PDE10A: variants seen among roughly 807,000 people sequenced by gnomAD.
The protein encoded by PDE10A is cAMP and cAMP-inhibited cGMP 3',5'-cyclic phosphodiesterase 10A.
A neutral mutation model predicts 97.7 loss-of-function variants in PDE10A; 39 were observed. The ratio of observed to expected loss-of-function variants is 0.40; its 90% confidence interval spans 0.31 to 0.52. PDE10A has a LOEUF of 0.52. PDE10A is among the 20% of genes least tolerant of loss of function. PDE10A has a pLI of 0.56. For missense variants in PDE10A, 731 were observed against 1,047.8 expected (o/e 0.70, Z 4.17); for synonymous variants, 371 against 376.8 (o/e 0.98, Z 0.18).
intron 1 of PDE10A, among the ~76,000 whole-genome samples, chr6:165,602,779 C>G (rs1389714702): frequency 6.6e-6 from 1 of 152,152 alleles, no homozygotes; most frequent in Non-Finnish European, 1.5e-5. Context: ...CACCTCATGC[C>G]TACCTACTTG....
chr6:165,784,102 C>T, intron 1 of PDE10A, among the ~76,000 whole-genome samples: 1 of 151,822 alleles, frequency 6.6e-6, no homozygotes, highest in Non-Finnish European at 1.5e-5. Flanking sequence ...CCTGTAGTCC[C>T]AGCTACTCGG....
At chr6:165,621,770 A>AG (rs199672496) in intron 1 of PDE10A, among the ~76,000 whole-genome samples, 7 of 150,312 alleles carry the variant, frequency 4.7e-5, no homozygotes, top group Non-Finnish European at 8.8e-5. Context: ...AAAGAAAAAA[A>AG]AAAGAAGAAG....
chr6:165,450,040 T>C (rs1244038896), intron 4 of PDE10A, among the ~76,000 whole-genome samples: 1 of 152,216 alleles, frequency 6.6e-6, no homozygotes, highest in African/African-American at 2.4e-5. Context: ...CAGATACTTA[T>C]TTGGGATTAG....
intron 2 of PDE10A, 70 bp downstream of exon 2, chr6:165,543,370 A>G (rs1370078883): frequency 8.9e-6 from 12 of 1,348,736 alleles, no homozygotes; most frequent in African/African-American, 1.5e-5. Context: ...TCTAGAATAT[A>G]TTAAATGCTT....
At position 165,952,655 on chromosome 6, in the gene PDE10A, C is replaced by T. The variant is rs143105075; in HGVS notation, c.-615+34874G>A. ...AGGAAACCACACCTCTTCAACTCCC[C>T]GCCTGGGCAGAGAGAAAGGGCTCTG... On this transcript the variant is annotated intron_variant, in intron 1 of 19. Transcript: ENST00000366882. Among the ~76,000 whole-genome samples the T allele has an allele frequency of 1.6e-3, 247 of 152,294 alleles. 1 individual carries two copies. Among genetic ancestry groups the T allele is most frequent in the African/African-American group, 5.0e-3 (206 of 41,552 alleles).
chr6:165,691,107 C>CCCCCCT (rs1554305962), intron 1 of PDE10A, among the ~76,000 whole-genome samples: 150 of 13,426 alleles, frequency 0.011, 6 homozygotes, highest in African/African-American at 0.027. Context: ...CTTTCTCTCT[C>CCCCCCT]CCCCCCCCCA....
At chr6:165,858,092 G>A (rs934862420) in intron 1 of PDE10A, among the ~76,000 whole-genome samples, 4 of 152,148 alleles carry the variant, frequency 2.6e-5, no homozygotes, top group Non-Finnish European at 5.9e-5. Flanking sequence ...CATGAGTACT[G>A]TTGTTTAGTA....
At chr6:165,518,587 G>A (rs758998356) in intron 2 of PDE10A, among the ~76,000 whole-genome samples, 6 of 152,076 alleles carry the variant, frequency 3.9e-5, no homozygotes, top group South Asian at 2.1e-4. Flanking sequence ...TGACAGTAAC[G>A]CACAACAGTA....
chr6:165,821,901 G>C (rs1562753565), intron 1 of PDE10A, among the ~76,000 whole-genome samples: 1 of 151,326 alleles, frequency 6.6e-6, no homozygotes, highest in Non-Finnish European at 1.5e-5. Flanking sequence ...GAGGTGCCGG[G>C]TTTTTTTTTC....
At chr6:165,839,896 TTCCCATC>T (rs1780187247) in intron 1 of PDE10A, among the ~76,000 whole-genome samples, 18 of 151,388 alleles carry the variant, frequency 1.2e-4, no homozygotes, top group South Asian at 2.1e-4. Flanking sequence ...TCCATCCCCA[TTCCCATC>T]TCCAACTCCA....
intron 1 of PDE10A, among the ~76,000 whole-genome samples, chr6:165,968,152 G>A (rs1407159509): frequency 6.6e-6 from 1 of 152,240 alleles, no homozygotes; most frequent in Non-Finnish European, 1.5e-5. Flanking sequence ...GGGAATGACA[G>A]AGATGCCTGC....
intron 9 of PDE10A, 85 bp downstream of exon 9, chr6:165,430,202 G>T: frequency 1.1e-6 from 1 of 887,754 alleles, no homozygotes; most frequent in Non-Finnish European, 1.8e-6. Context: ...AGCTGCAATA[G>T]ACAATGGTCT....
At chr6:165,462,747 G>A (rs1310235639) in intron 3 of PDE10A, among the ~76,000 whole-genome samples, 1 of 152,160 alleles carries the variant, frequency 6.6e-6, no homozygotes, top group Non-Finnish European at 1.5e-5. Context: ...GTAATTTAAT[G>A]GTAGCTATGA....
intron 5 of PDE10A, 73 bp downstream of exon 5, chr6:165,448,853 TTG>T: frequency 1.1e-6 from 1 of 876,432 alleles, no homozygotes; most frequent in South Asian, 1.5e-5. Context: ...GAAATGTCGG[TTG>T]TTTATAACTT....
At chr6:165,530,148 A>T (rs1280719377) in intron 2 of PDE10A, among the ~76,000 whole-genome samples, 1 of 151,628 alleles carries the variant, frequency 6.6e-6, no homozygotes, top group Non-Finnish European at 1.5e-5. Context: ...GGAACATGGG[A>T]CTCCAGGTTC....
At chr6:165,622,904 T>C (rs1788212360) in intron 1 of PDE10A, among the ~76,000 whole-genome samples, 1 of 152,142 alleles carries the variant, frequency 6.6e-6, no homozygotes, top group African/African-American at 2.4e-5. Flanking sequence ...CTTTGTGCTG[T>C]CTTCATGATA....
intron 1 of PDE10A, among the ~76,000 whole-genome samples, chr6:165,564,343 T>C (rs192855428): frequency 1.3e-4 from 20 of 152,230 alleles, no homozygotes; most frequent in African/African-American, 4.8e-4. Context: ...TGCCCATCCT[T>C]AAGCCTACAC....
chr6:165,912,008 T>G (rs1246486379), intron 1 of PDE10A, among the ~76,000 whole-genome samples: 1 of 151,826 alleles, frequency 6.6e-6, no homozygotes, highest in Non-Finnish European at 1.5e-5. Flanking sequence ...TATATCTTTC[T>G]CTCTCTCCAT....
intron 3 of PDE10A, among the ~76,000 whole-genome samples, chr6:165,459,639 T>G (rs968888284): frequency 6.6e-6 from 1 of 152,060 alleles, no homozygotes; most frequent in African/African-American, 2.4e-5. Context: ...GATATAGTAC[T>G]GCAGTTATTA....
Sources: allele counts gnomAD v4.1 joint callset (sites outside exome capture counted in the v4.1 genomes callset), GRCh38; gene constraint gnomAD v4.1.1; transcripts MANE v1.5; gene names NCBI Gene and HGNC (gene_info 2026-07-23, HGNC 2026-07-21).